The following SLC4A1 variants were observed in gnomAD, a reference collection of about 807,000 sequenced individuals.
SLC4A1 encodes the protein solute carrier family 4 member 1 (Diego blood group).
Under a neutral mutation model 93.1 loss-of-function variants are expected in SLC4A1, and 29 were observed. That is an observed-to-expected ratio of 0.31 (90% CI 0.23 to 0.42). SLC4A1 has a LOEUF of 0.42. Ranked by LOEUF, SLC4A1 falls within the 20% of genes least tolerant of loss-of-function variation. SLC4A1 has a pLI of 1.00. For missense variants in SLC4A1, 965 were observed against 1,190.1 expected (o/e 0.81, Z 2.78); for synonymous variants, 469 against 497.2 (o/e 0.94, Z 0.76).
At chr17:44,256,343 A>C (rs898288324) in intron 13 of SLC4A1, among the ~76,000 whole-genome samples, 1 of 152,224 alleles carries the variant, frequency 6.6e-6, no homozygotes, top group African/African-American at 2.4e-5. Flanking sequence ...GTGCGAGCAC[A>C]CATGTACACC....
chr17:44,255,587 T>G (rs2047381614), intron 14 of SLC4A1, 86 bp downstream of exon 14: 1 of 1,352,648 alleles, frequency 7.4e-7, no homozygotes, highest in Non-Finnish European at 1.1e-6. Flanking sequence ...GAAGGGAAGC[T>G]AAGGGCACTG....
At position 44,254,675 on chromosome 17, in the gene SLC4A1, G is replaced by A; in HGVS notation, c.1891-13C>T. ...GCACCGAGAGTTTCTGTGGGAGGGG[G>A]TAGCAGGTAAGAATGCCAAGGGCAG... is the stretch of plus-strand genomic sequence containing the variant. On this transcript the variant is annotated splice_polypyrimidine_tract_variant and intron_variant, in intron 15 of 19. Transcript: ENST00000262418. 6.2e-7 allele frequency: 1 copy of A among 1,613,472 alleles called. No homozygotes were observed. Among genetic ancestry groups the A allele is most frequent in the Non-Finnish European group, 8.5e-7 (1 of 1,179,744 alleles).
intron 1 of SLC4A1, among the ~76,000 whole-genome samples, chr17:44,267,636 GTC>G: frequency 6.6e-6 from 1 of 152,332 alleles, no homozygotes; most frequent in South Asian, 2.1e-4. Context: ...CCCTGGAAGT[GTC>G]CCAAAGGGGA....
chr17:44,267,428 T>C (rs1357071809), intron 1 of SLC4A1, among the ~76,000 whole-genome samples: 1 of 152,244 alleles, frequency 6.6e-6, no homozygotes, highest in Non-Finnish European at 1.5e-5. Flanking sequence ...AGGAGCGCTA[T>C]GAAAATGTTT....
At chr17:44,252,243 C>T (rs952209816) in intron 17 of SLC4A1, among the ~76,000 whole-genome samples, 2 of 151,824 alleles carry the variant, frequency 1.3e-5, no homozygotes, top group Non-Finnish European at 1.5e-5. Flanking sequence ...TTAGTAGAGA[C>T]GTGGTTTCAC....
rs758254209 is a variant in SLC4A1 at position 44,260,522 on chromosome 17, G to A, written c.367C>T (p.Leu123=). 10 of 1,614,226 alleles carry A rather than the reference G, an allele frequency of 6.2e-6. No homozygotes were observed. In the South Asian group the frequency reaches 9.9e-5, roughly 16 times the overall value. Reference sequence around the variant, plus strand: ...ACTCCAGCCAGGGAGGTCTCTTGCAGGTCTAGGAGGACAGTACCTGCAGGC... The same window carrying A: ...ACTCCAGCCAGGGAGGTCTCTTGCAAGTCTAGGAGGACAGTACCTGCAGGC... ...VFTKGTVLLD[L]QETSLAGVAN... The change falls in exon 6 of 20, where the codon CTG becomes TTG. Residue 123 remains leucine, a synonymous_variant. Coordinates refer to ENST00000262418, the MANE Select transcript of SLC4A1 (RefSeq NM_000342.4).
chr17:44,254,617 G>C lies in SLC4A1; in HGVS notation c.1936C>G (p.Arg646Gly). The C allele has an allele frequency of 6.2e-7, 1 of 1,614,020 alleles. No individual in the cohort carries two copies. Reference sequence around the variant, plus strand: ...CCCAGTGGGTGGATGACCCAGCCCCGGGCTGAGGAGTTGGACACCTTGAAG... The same window carrying C: ...CCCAGTGGGTGGATGACCCAGCCCCCGGCTGAGGAGTTGGACACCTTGAAG... ...DGFKVSNSSA[R>G]GWVIHPLGLR... Residue 646 changes from arginine to glycine, a missense_variant, in exon 16 of 20, where the codon CGG becomes GGG. By Grantham distance (125) the Arg-to-Gly change is moderately radical. Coordinates refer to ENST00000262418, the MANE Select transcript of SLC4A1 (RefSeq NM_000342.4).
chr17:44,255,983 C>T, intron 13 of SLC4A1, 137 bp from the exon 14 acceptor site: 1 of 832,444 alleles, frequency 1.2e-6, no homozygotes, highest in South Asian at 1.4e-5. Context: ...ATTTATCCAC[C>T]CATCCATCAT....
At chr17:44,263,527 T>C (rs1027347138) in intron 1 of SLC4A1, among the ~76,000 whole-genome samples, 1 of 152,110 alleles carries the variant, frequency 6.6e-6, no homozygotes, top group African/African-American at 2.4e-5. Context: ...ACTAAGCCCT[T>C]TCCTGTCCCA....
intron 13 of SLC4A1, among the ~76,000 whole-genome samples, chr17:44,256,164 C>T (rs546300644): frequency 6.6e-6 from 1 of 152,272 alleles, no homozygotes; most frequent in Non-Finnish European, 1.5e-5. Context: ...ACCATCCATC[C>T]ATCCATCCAT....
intron 17 of SLC4A1, 132 bp from the exon 18 acceptor site, chr17:44,251,720 CTTTT>C (rs67064853): frequency 1.1e-4 from 44 of 392,860 alleles, no homozygotes; most frequent in Non-Finnish European, 1.6e-4. Context: ...CTTTTCTTTT[CTTTT>C]TTTTTTTTTT....
Position 44,255,738 on chromosome 17 carries a change from C to T in SLC4A1, c.1735G>A (p.Ala579Thr), listed in dbSNP as rs2047383395. The change falls in exon 14 of 20, where the codon GCC becomes ACC. Residue 579 changes from alanine to threonine, a missense_variant. Physicochemically the swap from Ala to Thr is moderately conservative, Grantham distance 58 (BLOSUM62 0). Coordinates refer to ENST00000262418, the MANE Select transcript of SLC4A1 (RefSeq NM_000342.4). ...ATCATGGCAAAGAAGAAGGTACCGGCCATGAGCACAAGGGAGAGGAGGGCT... is the reference window on the plus strand; with the variant it reads ...ATCATGGCAAAGAAGAAGGTACCGGTCATGAGCACAAGGGAGAGGAGGGCT... Reference protein sequence around the residue: ...NTALLSLVLMAGTFFFAMMLR... With the variant: ...NTALLSLVLMTGTFFFAMMLR... The T allele has an allele frequency of 1.9e-6, 3 of 1,614,116 alleles. No individual in the cohort carries two copies. Among genetic ancestry groups the T allele is most frequent in the African/African-American group, 1.3e-5 (1 of 75,014 alleles).
intron 1 of SLC4A1, among the ~76,000 whole-genome samples, chr17:44,266,866 C>T (rs1285998818): frequency 3.3e-5 from 5 of 152,050 alleles, no homozygotes; most frequent in Non-Finnish European, 5.9e-5. Context: ...GAAGACACGG[C>T]GGGAGAGGGG....
chr17:44,259,397 C>T, intron 8 of SLC4A1, 53 bp from the exon 9 acceptor site: 1 of 1,609,664 alleles, frequency 6.2e-7, no homozygotes, highest in Non-Finnish European at 8.5e-7. Context: ...GGTGGGTGTG[C>T]TGAAGAGATG....
rs772984725 is a variant in SLC4A1, at chr17:44,262,666, T to C, written c.76A>G (p.Ile26Val). The change falls in exon 3 of 20, where the codon ATC becomes GTC. Residue 26 changes from isoleucine (I) to valine (V), a missense_variant. Ile to Val is a conservative substitution (Grantham distance 29, BLOSUM62 3). Coordinates refer to ENST00000262418, the MANE Select transcript of SLC4A1 (RefSeq NM_000342.4). ...GGCTCCTCCATCTGGGACTCGGGGA[T>C]GTCTGGGTCTTCATATTCCTCCTGC... ...LEQEEYEDPD[I>V]PESQMEEPAA... 1.9e-6 allele frequency: 3 copies of C among 1,613,684 alleles called. No homozygotes were observed. Among genetic ancestry groups the C allele is most frequent in the Admixed American group, 3.3e-5 (2 of 59,958 alleles).
At position 44,254,476 on chromosome 17, in the gene SLC4A1, G is replaced by T; in HGVS notation, c.2057+20C>A. On this transcript the variant is annotated intron_variant, in intron 16 of 19. Coordinates refer to ENST00000262418, the MANE Select transcript of SLC4A1 (RefSeq NM_000342.4). The stretch of plus-strand genomic sequence containing the variant: ...CCTGCCTCCCACCCTCCCAGGCCCA[G>T]CCCCCACCCTGTCTCTCACGTGGTG... 1.5e-6 allele frequency: 1 copy of T among 676,668 alleles called. No individual in the cohort carries two copies. 41.9% of individuals were successfully genotyped at this position (676,668 alleles called of 1,614,324 possible).
At chr17:44,259,721 G>A in intron 7 of SLC4A1, 88 bp downstream of exon 7, 1 of 1,596,544 alleles carries the variant, frequency 6.3e-7, no homozygotes, top group Admixed American at 1.7e-5. Context: ...CCTGCTTGTG[G>A]TCGGTTTTTC....
chr17:44,260,341 G>A, intron 6 of SLC4A1, 63 bp downstream of exon 6: 3 of 1,571,280 alleles, frequency 1.9e-6, no homozygotes, highest in Non-Finnish European at 2.6e-6. Context: ...AGAACTTGGG[G>A]CAAGTGGGCT....
At position 44,251,504 on chromosome 17, in the gene SLC4A1, G is replaced by A. The variant is rs763849606; in HGVS notation, c.2396C>T (p.Ser799Leu). The change falls in exon 18 of 20, where the codon TCG becomes TTG. Residue 799 changes from serine to leucine, a missense_variant. Ser to Leu is a moderately radical substitution (Grantham distance 145, BLOSUM62 -2). Around this residue, in one of 2 missense-constraint regions of SLC4A1, gnomAD observed 770 missense variants for 1,006.6 expected, o/e 0.76. Transcript: ENST00000262418. Reference protein sequence around the residue: ...FGIFLYMGVTSLSGIQLFDRI... With the variant: ...FGIFLYMGVTLLSGIQLFDRI... ...GTCAAAGAGCTGGATGCCGCTGAGC[G>A]ACGTGACCCCCATGTAGAGGAAGAT... 4.3e-5 allele frequency: 70 copies of A among 1,614,038 alleles called. No individual in the cohort carries two copies. Among genetic ancestry groups the A allele is most frequent in the Non-Finnish European group, 5.4e-5 (64 of 1,180,038 alleles).
Sources: gnomAD v4.1 joint callset for allele counts (sites outside exome capture counted in the v4.1 genomes callset) on GRCh38, gnomAD v4.1.1 for gene constraint, gnomAD v4.1.1 regional missense constraint, MANE v1.5 for transcripts, NCBI Gene and HGNC (gene_info 2026-07-23, HGNC 2026-07-21) for gene names.